Variants in FAH observed in about 807,000 individuals in gnomAD.
The protein encoded by FAH is fumarylacetoacetase.
A neutral mutation model predicts 55.8 loss-of-function variants in FAH; 47 were observed. The ratio of observed to expected loss-of-function variants is 0.84; its 90% confidence interval spans 0.67 to 1.07. The LOEUF is 1.07. Among genes scored for constraint, FAH ranks in the 50% least tolerant of loss-of-function variants. The pLI is 0.00. For synonymous variants in FAH, 199 were observed against 207.7 expected (o/e 0.96, Z 0.36); for missense variants, 495 against 545.9 (o/e 0.91, Z 0.93).
chr15:80,173,089 C>T lies in FAH; in HGVS notation c.782C>T (p.Pro261Leu), dbSNP rs80338898. 9.6e-5 allele frequency: 155 copies of T among 1,614,094 alleles called. No homozygotes were observed. The highest frequency in any genetic ancestry group is 5.3e-5 in the African/African-American group (4 of 74,940). The change falls in exon 9 of 14, where the codon CCG becomes CTG. Residue 261 changes from proline (P) to leucine (L), a missense_variant. Transcript: ENST00000561421. ...AAGAGTTTTGGGACCACTGTCTCTC[C>T]GTGGGTGGTGCCCATGGATGCTCTC... ...LGKSFGTTVS[P>L]WVVPMDALMP...
chr15:80,175,125 T>A, intron 10 of FAH, 34 bp downstream of exon 10: 1 of 1,584,652 alleles, frequency 6.3e-7, no homozygotes, highest in Non-Finnish European at 8.7e-7. Context: ...GGCCAGGAGC[T>A]CTGAGGCAAT....
intron 3 of FAH, 34 bp downstream of exon 3, chr15:80,159,911 G>C (rs1384485179): frequency 6.2e-7 from 1 of 1,611,112 alleles, no homozygotes; most frequent in South Asian, 1.1e-5. Context: ...GGGATGAGGG[G>C]ATGCAGCAGG....
intron 11 of FAH, among the ~76,000 whole-genome samples, chr15:80,178,949 T>C (rs1034661645): frequency 9.2e-5 from 14 of 152,222 alleles, no homozygotes; most frequent in Non-Finnish European, 2.9e-5. Context: ...TTGTTTCCGT[T>C]GTTTTTGGCT....
intron 4 of FAH, among the ~76,000 whole-genome samples, chr15:80,161,809 A>T (rs1373117911): frequency 1.3e-5 from 2 of 152,194 alleles, no homozygotes; most frequent in African/African-American, 4.8e-5. Flanking sequence ...CCTGCTAGAG[A>T]GAGCAGGGAG....
chr15:80,181,056 C>T lies in FAH; in HGVS notation c.1077C>T (p.Phe359=), dbSNP rs145570259. ...CTGTGATGAAGGAGCCAGAAAACTT[C>T]GGCTCCATGTTGGAACTGTCGTGGA... ...GTISGPEPEN[F]GSMLELSWKG... Residue 359 remains phenylalanine, a synonymous_variant, in exon 13 of 14, where the codon TTC becomes TTT. Transcript: ENST00000561421. 1.9e-5 allele frequency: 31 copies of T among 1,613,050 alleles called. No homozygotes were observed. The African/African-American group carries it at 3.2e-4, about 17-fold the overall frequency.
chr15:80,175,798 C>T lies in FAH; in HGVS notation c.913+707C>T, dbSNP rs28553552. Among the ~76,000 whole-genome samples, 376 of 152,336 alleles carry T rather than the reference C, an allele frequency of 2.5e-3. 1 individual carries two copies. The highest frequency in any genetic ancestry group is 8.8e-3 in the African/African-American group (364 of 41,572). Reference sequence around the variant, plus strand: ...TGTCATCTATGAAATGGGATAATAGCGGCGTTGACCTCATGGTGTGTTGTG... The same window carrying T: ...TGTCATCTATGAAATGGGATAATAGTGGCGTTGACCTCATGGTGTGTTGTG... On this transcript the variant is annotated intron_variant, in intron 10 of 13. Transcript: ENST00000561421.
At chr15:80,163,485 C>T (rs2162552) in intron 5 of FAH, 66,130 of 151,966 alleles carry the variant, frequency 0.44, 15,176 homozygotes, top group Middle Eastern at 0.59. Context: ...GAGAGGAGAG[C>T]CGGGACCTGG....
chr15:80,181,021 C>T, intron 12 of FAH, 21 bp from the exon 13 acceptor site: 1 of 1,583,344 alleles, frequency 6.3e-7, no homozygotes, highest in Non-Finnish European at 8.7e-7. Context: ...GTTATTCTTT[C>T]TTCCCTTTCC....
intron 13 of FAH, among the ~76,000 whole-genome samples, chr15:80,182,835 G>T (rs547388951): frequency 6.6e-6 from 1 of 152,334 alleles, no homozygotes; most frequent in South Asian, 2.1e-4. Context: ...TTTGGTCACG[G>T]TTCTGTGGAT....
At chr15:80,177,445 G>A in intron 10 of FAH, 92 bp from the exon 11 acceptor site, 1 of 1,117,986 alleles carries the variant, frequency 8.9e-7, no homozygotes, top group Non-Finnish European at 1.4e-6. Flanking sequence ...GTTGGACAAT[G>A]GGAAGCTTCA....
Position 80,173,112 on chromosome 15 carries a change from C to T in FAH, c.805C>T (p.Leu269Phe). The T allele has an allele frequency of 6.2e-7, 1 of 1,614,208 alleles. No individual in the cohort carries two copies. Residue 269 changes from leucine to phenylalanine, a missense_variant, in exon 9 of 14, where the codon CTC becomes TTC. Leu to Phe is a conservative substitution (Grantham distance 22). Coordinates refer to ENST00000561421, the MANE Select transcript of FAH (RefSeq NM_000137.4). ...VSPWVVPMDA[L>F]MPFAVPNPKQ... ...TCCGTGGGTGGTGCCCATGGATGCT[C>T]TCATGCCCTTTGCTGTGCCCAACCC...
At chr15:80,153,456 G>T (rs1448046688) in intron 1 of FAH, among the ~76,000 whole-genome samples, 2 of 152,198 alleles carry the variant, frequency 1.3e-5, no homozygotes, top group South Asian at 2.1e-4. Flanking sequence ...CAGCACACAG[G>T]CATGCTGCCT....
intron 4 of FAH, 141 bp downstream of exon 4, chr15:80,160,600 C>A: frequency 1.3e-6 from 1 of 780,652 alleles, no homozygotes; most frequent in South Asian, 1.4e-5. Context: ...GGCTGTTACC[C>A]GCTCCTCATC....
At chr15:80,159,434 G>A (rs2041128437) in intron 2 of FAH, among the ~76,000 whole-genome samples, 1 of 152,100 alleles carries the variant, frequency 6.6e-6, no homozygotes, top group South Asian at 2.1e-4. Flanking sequence ...TCTGCAGACT[G>A]GAGTGTGCCT....
chr15:80,185,925 C>CG (rs2041366827), intron 13 of FAH, among the ~76,000 whole-genome samples: 1 of 152,162 alleles, frequency 6.6e-6, no homozygotes, highest in Non-Finnish European at 1.5e-5. Flanking sequence ...GGGGTGGGCC[C>CG]GGGTTCTAGT....
At chr15:80,171,487 G>T (rs1020092286) in intron 7 of FAH, among the ~76,000 whole-genome samples, 1 of 152,106 alleles carries the variant, frequency 6.6e-6, no homozygotes, top group African/African-American at 2.4e-5. Flanking sequence ...TTGAGACAGG[G>T]TCTTGCTCTG....
In FAH at chr15:80,183,459, A is replaced by G. The variant is rs139904953; in HGVS notation, c.1180+2300A>G. 1.4e-3 allele frequency among the ~76,000 whole-genome samples: 213 copies of G among 152,342 alleles called. 1 individual carries two copies. Among genetic ancestry groups the G allele is most frequent in the African/African-American group, 4.9e-3 (203 of 41,574 alleles). On this transcript the variant is annotated intron_variant, in intron 13 of 13. Transcript: ENST00000561421. ...GTTACCTTGTGCAAAGGTTCCCCGC[A>G]TTGGCGGACGGCTCTGCCCTCACCT... is the stretch of plus-strand genomic sequence containing the variant.
rs192015833 is a variant in FAH, at chr15:80,169,574, C to T, written c.606+1258C>T. Among the ~76,000 whole-genome samples, 761 of 151,910 alleles carry T rather than the reference C, an allele frequency of 5.0e-3. 8 individuals are homozygous for T. Among genetic ancestry groups the T allele is most frequent in the African/African-American group, 0.018 (731 of 41,442 alleles). ...TCTGAGATGGAGTCTCACTCTGTCA[C>T]CCAGGCTGGAGTGCAGTGGCACTAT... On this transcript the variant is annotated intron_variant, in intron 7 of 13. Transcript: ENST00000561421.
chr15:80,157,945 A>ACAGGG (rs2041112656), intron 1 of FAH, 115 bp from the exon 2 acceptor site: 1 of 783,218 alleles, frequency 1.3e-6, no homozygotes, highest in Admixed American at 1.8e-5. Flanking sequence ...CGCTCTGCAT[A>ACAGGG]CAGGGCCACC....
Sources: gnomAD v4.1 joint callset for allele counts (sites outside exome capture counted in the v4.1 genomes callset) on GRCh38, gnomAD v4.1.1 for gene constraint, MANE v1.5 for transcripts, NCBI Gene and HGNC (gene_info 2026-07-23, HGNC 2026-07-21) for gene names.